ALCAM: variants seen among roughly 807,000 people sequenced by gnomAD.
ALCAM encodes the protein CD166 antigen.
In ALCAM, 30 loss-of-function variants were observed where a neutral mutation model predicts 70.9. The ratio of observed to expected loss-of-function variants is 0.42; its 90% CI spans 0.32 to 0.57. The LOEUF is 0.57. ALCAM is among the 20% of genes least tolerant of loss of function. ALCAM has a pLI of 0.11. For synonymous variants in ALCAM, 249 were observed against 242.5 expected (o/e 1.03, Z -0.25); for missense variants, 591 against 695.1 (o/e 0.85, Z 1.68).
intron 1 of ALCAM, among the ~76,000 whole-genome samples, chr3:105,379,420 T>A (rs1160351896): frequency 6.6e-6 from 1 of 151,528 alleles, no homozygotes; most frequent in Non-Finnish European, 1.5e-5. Context: ...TTTTATCATC[T>A]CAGGAAAAAC....
intron 1 of ALCAM, among the ~76,000 whole-genome samples, chr3:105,481,112 A>G (rs1938258134): frequency 1.3e-5 from 2 of 152,142 alleles, no homozygotes; most frequent in Non-Finnish European, 2.9e-5. Flanking sequence ...AATAGGAACC[A>G]TCAGCAGCCT....
chr3:105,369,809 T>G (rs1392065985), intron 1 of ALCAM, among the ~76,000 whole-genome samples: 1 of 152,154 alleles, frequency 6.6e-6, no homozygotes, highest in Non-Finnish European at 1.5e-5. Context: ...GTCATTGATA[T>G]ATTTTAGGCG....
At chr3:105,411,043 A>G (rs958243669) in intron 1 of ALCAM, among the ~76,000 whole-genome samples, 14 of 152,082 alleles carry the variant, frequency 9.2e-5, no homozygotes, top group African/African-American at 3.4e-4. Flanking sequence ...ATATTGAAAG[A>G]TATTTCTATT....
At chr3:105,393,810 A>G (rs986202759) in intron 1 of ALCAM, among the ~76,000 whole-genome samples, 1 of 151,962 alleles carries the variant, frequency 6.6e-6, no homozygotes, top group Non-Finnish European at 1.5e-5. Flanking sequence ...ATAATTCTTC[A>G]TTATAAGTCA....
intron 1 of ALCAM, among the ~76,000 whole-genome samples, chr3:105,387,093 T>G (rs1046798563): frequency 6.6e-6 from 1 of 151,600 alleles, no homozygotes; most frequent in African/African-American, 2.4e-5. Context: ...TTCCACAAGA[T>G]AAATCTTTAG....
At chr3:105,382,189 G>A (rs1484938704) in intron 1 of ALCAM, among the ~76,000 whole-genome samples, 1 of 149,828 alleles carries the variant, frequency 6.7e-6, no homozygotes, top group Non-Finnish European at 1.5e-5. Context: ...AACATGCAGT[G>A]TTTGGTTTTT....
In ALCAM at chr3:105,524,329, C is replaced by A. The variant is rs1939636415; in HGVS notation, c.215C>A (p.Ser72Tyr). 6.2e-7 allele frequency: 1 copy of A among 1,613,962 alleles called. No homozygotes were observed. Among genetic ancestry groups the A allele is most frequent in the South Asian group, 1.1e-5 (1 of 91,072 alleles). Residue 72 changes from serine to tyrosine, a missense_variant, in exon 3 of 16, where the codon TCC becomes TAC. Around this residue, in one of 2 missense-constraint regions of ALCAM, gnomAD observed 427 missense variants for 450.4 expected, o/e 0.95. Transcript: ENST00000306107. ...DGSPVFIAFR[S>Y]STKKSVQYDD... ...TCCCCAGTATTTATTGCCTTCAGAT[C>A]CTCTACAAAGAAAAGTGTGCAGTAC...
At chr3:105,525,317 T>G in intron 3 of ALCAM, 1 of 981,640 alleles carries the variant, frequency 1.0e-6, no homozygotes, top group African/African-American at 1.7e-5. Flanking sequence ...TTAATGTTAC[T>G]GTGCAAATAA....
chr3:105,562,850 G>C (rs2152634407), intron 14 of ALCAM, among the ~76,000 whole-genome samples: 1 of 152,120 alleles, frequency 6.6e-6, no homozygotes, highest in Middle Eastern at 3.4e-3. Context: ...TTGTTGCCCA[G>C]GCTGGAGCGC....
chr3:105,430,766 G>A (rs1038806966), intron 1 of ALCAM, among the ~76,000 whole-genome samples: 2 of 152,066 alleles, frequency 1.3e-5, no homozygotes, highest in Non-Finnish European at 2.9e-5. Flanking sequence ...ACCCTTTTGA[G>A]TGTGGAGCAT....
At chr3:105,368,051 C>A (rs1935115705) in intron 1 of ALCAM, among the ~76,000 whole-genome samples, 1 of 151,548 alleles carries the variant, frequency 6.6e-6, no homozygotes, top group Admixed American at 6.6e-5. Context: ...TTACCCCCTG[C>A]GGTCCCCGTC....
In ALCAM at chr3:105,547,769, G is replaced by A. The variant is rs564223791; in HGVS notation, c.1374+246G>A. On this transcript the variant is annotated intron_variant, in intron 11 of 15. Coordinates refer to ENST00000306107, the MANE Select transcript of ALCAM (RefSeq NM_001627.4). ...GGCCATGGAGAAGGGAAGAACCATT[G>A]TGTCATGGTCAGTATCTGTTTTTAA... is the stretch of plus-strand genomic sequence containing the variant. 4.6e-5 allele frequency among the ~76,000 whole-genome samples: 7 copies of A among 151,534 alleles called. No homozygotes were observed. The South Asian group carries it at 1.5e-3, about 31-fold the overall frequency.
intron 1 of ALCAM, among the ~76,000 whole-genome samples, chr3:105,377,506 A>G (rs1314372553): frequency 6.6e-6 from 1 of 152,084 alleles, no homozygotes; most frequent in Non-Finnish European, 1.5e-5. Context: ...CTGTACTATT[A>G]CATTCCTCTT....
At chr3:105,435,977 G>A (rs1030500872) in intron 1 of ALCAM, among the ~76,000 whole-genome samples, 1 of 152,098 alleles carries the variant, frequency 6.6e-6, no homozygotes, top group Admixed American at 6.5e-5. Flanking sequence ...CAATCATGGT[G>A]GAAGGCAAGA....
intron 1 of ALCAM, among the ~76,000 whole-genome samples, chr3:105,403,636 G>T (rs1486575902): frequency 6.6e-6 from 1 of 151,938 alleles, no homozygotes; most frequent in African/African-American, 2.4e-5. Flanking sequence ...CAACGAAAAG[G>T]AATCAGAAAA....
In ALCAM at chr3:105,494,335, A is replaced by G. The variant is rs73006123; in HGVS notation, c.74-25732A>G. Among the ~76,000 whole-genome samples, 499 of 152,318 alleles carry G rather than the reference A, an allele frequency of 3.3e-3. 4 individuals carry two copies. Among genetic ancestry groups the G allele is most frequent in the African/African-American group, 0.011 (441 of 41,574 alleles). ...TCAGAGGTATTTCCTGGTATTTTAT[A>G]AGGGAAAAATAAAATGTGACATCAC... On this transcript the variant is annotated intron_variant, in intron 1 of 15. Transcript: ENST00000306107.
At chr3:105,458,017 A>C (rs1295123783) in intron 1 of ALCAM, among the ~76,000 whole-genome samples, 2 of 152,020 alleles carry the variant, frequency 1.3e-5, no homozygotes. Flanking sequence ...GCTCATTATA[A>C]ATCTAAAAAA....
At chr3:105,496,874 G>A (rs1004825727) in intron 1 of ALCAM, among the ~76,000 whole-genome samples, 5 of 151,656 alleles carry the variant, frequency 3.3e-5, no homozygotes, top group African/African-American at 1.2e-4. Context: ...GTGTGTGTGT[G>A]TGGTGGAACG....
chr3:105,406,650 C>T (rs955196593), intron 1 of ALCAM, among the ~76,000 whole-genome samples: 5 of 150,234 alleles, frequency 3.3e-5, no homozygotes, highest in East Asian at 2.0e-4. Context: ...GGAACAAAAA[C>T]AATCCAAATT....
Sources: allele counts gnomAD v4.1 joint callset (sites outside exome capture counted in the v4.1 genomes callset), GRCh38; gene constraint gnomAD v4.1.1; regional missense constraint gnomAD v4.1.1; transcripts MANE v1.5; gene names NCBI Gene and HGNC (gene_info 2026-07-23, HGNC 2026-07-21).